The following EPHA6 variants were observed in gnomAD, a reference collection of about 807,000 sequenced individuals.
EPHA6 encodes EPH receptor A6, also known as ephrin type-A receptor 6.
EPHA6 carries 50 observed loss-of-function variants against 112.0 expected under a neutral mutation model. The ratio of observed to expected loss-of-function variants is 0.45; its 90% CI spans 0.36 to 0.56. The LOEUF (loss-of-function observed/expected upper bound fraction) is 0.56. Among genes scored for constraint, EPHA6 ranks in the 20% least tolerant of loss-of-function variants. The probability of loss-of-function intolerance (pLI) is 0.00; values close to 1 mark genes in which losing one functional copy is unlikely to be tolerated. For synonymous variants in EPHA6, 529 were observed against 490.7 expected, an observed-to-expected ratio of 1.08 and a Z score of -1.03; for missense variants, 1,280 against 1,417.4, an observed-to-expected ratio of 0.90 and a Z score of 1.56.
In EPHA6 at chr3:97,761,128, A is replaced by G. The variant is rs1327603739; in HGVS notation, c.*12427A>G. The G allele has an allele frequency of 1.5e-5, 3 of 203,140 alleles. No individual in the cohort carries two copies. Among genetic ancestry groups the G allele is most frequent in the Non-Finnish European group, 3.0e-5 (3 of 98,938 alleles). The allele number at this position is 203,140 out of a possible 1,614,324, so 12.6% of individuals were successfully genotyped here. A position where few individuals can be genotyped will look rare whatever the true frequency, so the allele number is the denominator to read the frequency against. Reference sequence around the variant, plus strand: ...TAACAATTGAACTGCAATCCTACCTATTATCTACTTTACTATAGCAGTGAA... The same window carrying G: ...TAACAATTGAACTGCAATCCTACCTGTTATCTACTTTACTATAGCAGTGAA... On this transcript the variant is annotated 3_prime_UTR_variant, in exon 18 of 18. Transcript: ENST00000389672.
chr3:97,117,222 T>G (rs2047914024), intron 3 of EPHA6, among the ~76,000 whole-genome samples: 1 of 151,668 alleles, frequency 6.6e-6, no homozygotes, highest in Non-Finnish European at 1.5e-5. Context: ...ATTTTGGATA[T>G]CAACCTCTTA....
At chr3:97,035,609 AT>A (rs2045061067) in intron 3 of EPHA6, among the ~76,000 whole-genome samples, 1 of 151,808 alleles carries the variant, frequency 6.6e-6, no homozygotes, top group Admixed American at 6.6e-5. Flanking sequence ...ACACTATAGG[AT>A]TTTTGTAGCG....
intron 11 of EPHA6, among the ~76,000 whole-genome samples, chr3:97,585,701 G>C (rs558708623): frequency 1.3e-5 from 2 of 151,164 alleles, no homozygotes; most frequent in South Asian, 2.1e-4. Context: ...TGCAGGTAAA[G>C]AGGAAAATAC....
Position 97,226,485 on chromosome 3 carries a change from T to C in EPHA6, c.1270+66T>C, listed in dbSNP as rs538135505. 2.8e-6 allele frequency: 4 copies of C among 1,416,216 alleles called. No homozygotes were observed. The South Asian group carries it at 5.7e-5, about 20-fold the overall frequency. The allele number at this position is 1,416,216 out of a possible 1,614,324, so 87.7% of individuals were successfully genotyped here. ...CCCTTTTGGTCTTTTCATTCTAAAT[T>C]TAAAAAATAAGTAAATGTACAAAAT... is the stretch of plus-strand genomic sequence containing the variant. On this transcript the variant is annotated intron_variant, in intron 4 of 17. Coordinates refer to ENST00000389672, the MANE Select transcript of EPHA6 (RefSeq NM_001080448.3).
chr3:97,651,884 C>A (rs372709577), intron 14 of EPHA6, among the ~76,000 whole-genome samples: 1 of 151,782 alleles, frequency 6.6e-6, no homozygotes, highest in South Asian at 2.1e-4. Flanking sequence ...GGTTTATGTG[C>A]AGGTTTGTTG....
At chr3:97,461,900 C>A (rs751736261) in intron 7 of EPHA6, among the ~76,000 whole-genome samples, 11 of 152,114 alleles carry the variant, frequency 7.2e-5, no homozygotes, top group Non-Finnish European at 5.9e-5. Context: ...AGTCAGGGGG[C>A]CTCCATTAGG....
chr3:97,096,797 CAATAT>C (rs1157854369), intron 3 of EPHA6, among the ~76,000 whole-genome samples: 1 of 151,738 alleles, frequency 6.6e-6, no homozygotes, highest in Non-Finnish European at 1.5e-5. Flanking sequence ...GTGCTTAATA[CAATAT>C]AAGGGCTATA....
chr3:97,366,780 G>A lies in EPHA6; in HGVS notation c.1607-38370G>A, dbSNP rs1357715998. ...TGTAGAATATACAAAACCTTGGATT[G>A]TAAGTCCAGAAACTTTGGTAAGTGC... On this transcript the variant is annotated intron_variant, in intron 5 of 17. Transcript: ENST00000389672. Among the ~76,000 whole-genome samples the A allele has an allele frequency of 3.3e-5, 5 of 152,178 alleles. No individual in the cohort carries two copies. The South Asian group carries it at 1.0e-3, about 31-fold the overall frequency.
At chr3:96,981,887 G>A (rs1459870987) in intron 2 of EPHA6, among the ~76,000 whole-genome samples, 1 of 152,106 alleles carries the variant, frequency 6.6e-6, no homozygotes, top group African/African-American at 2.4e-5. Context: ...ATTTCTGTGG[G>A]ATCAGTGGTG....
At chr3:97,538,634 GA>G (rs1242027834) in intron 11 of EPHA6, among the ~76,000 whole-genome samples, 3 of 152,162 alleles carry the variant, frequency 2.0e-5, no homozygotes, top group Non-Finnish European at 4.4e-5. Flanking sequence ...AGAAGTGTAT[GA>G]AAAAGACAGA....
intron 5 of EPHA6, among the ~76,000 whole-genome samples, chr3:97,362,594 T>A (rs1387587038): frequency 1.3e-5 from 2 of 152,228 alleles, no homozygotes; most frequent in East Asian, 3.9e-4. Flanking sequence ...GGTTGTTTAA[T>A]TTAATGTTGG....
At chr3:96,946,828 A>C (rs182307187) in intron 2 of EPHA6, among the ~76,000 whole-genome samples, 35,137 of 151,946 alleles carry the variant, frequency 0.23, 6,741 homozygotes, top group African/African-American at 0.5. Context: ...ACATCCTCTC[A>C]AGCACCTGTT....
At chr3:97,573,569 TTTTA>T (rs2093354756) in intron 11 of EPHA6, among the ~76,000 whole-genome samples, 1 of 151,878 alleles carries the variant, frequency 6.6e-6, no homozygotes, top group Non-Finnish European at 1.5e-5. Flanking sequence ...ATGATGAGAT[TTTTA>T]TTTATTTTTT....
intron 3 of EPHA6, among the ~76,000 whole-genome samples, chr3:97,171,862 A>T (rs1344520600): frequency 6.6e-6 from 1 of 152,052 alleles, no homozygotes; most frequent in Non-Finnish European, 1.5e-5. Flanking sequence ...ATAACAAAAA[A>T]CCTTGGTAAA....
At chr3:97,433,902 C>A (rs1487531369) in intron 6 of EPHA6, among the ~76,000 whole-genome samples, 1 of 152,064 alleles carries the variant, frequency 6.6e-6, no homozygotes, top group African/African-American at 2.4e-5. Context: ...ATGGTTACTA[C>A]CCCCATGGCT....
At chr3:97,347,164 A>T (rs75125556) in intron 5 of EPHA6, among the ~76,000 whole-genome samples, 3,075 of 152,170 alleles carry the variant, frequency 0.02, 99 homozygotes, top group African/African-American at 0.069. Flanking sequence ...ATCCTGTAGG[A>T]TTTATCATCC....
At chr3:97,093,978 G>A (rs1163977048) in intron 3 of EPHA6, among the ~76,000 whole-genome samples, 3 of 151,988 alleles carry the variant, frequency 2.0e-5, no homozygotes, top group African/African-American at 4.8e-5. Context: ...CAGATACAGC[G>A]TGCATAGAGC....
At chr3:97,349,515 C>G (rs142408485) in intron 5 of EPHA6, among the ~76,000 whole-genome samples, 1 of 152,084 alleles carries the variant, frequency 6.6e-6, no homozygotes, top group East Asian at 1.9e-4. Flanking sequence ...TATATAATAT[C>G]TTCCACAAGG....
intron 5 of EPHA6, among the ~76,000 whole-genome samples, chr3:97,357,547 T>G (rs1264564066): frequency 6.6e-6 from 1 of 152,184 alleles, no homozygotes; most frequent in African/African-American, 2.4e-5. Flanking sequence ...TCTGCCAATC[T>G]TTTTATTGGA....
Sources: allele counts gnomAD v4.1 joint callset (sites outside exome capture counted in the v4.1 genomes callset), GRCh38; gene constraint gnomAD v4.1.1; transcripts MANE v1.5; gene names NCBI Gene and HGNC (gene_info 2026-07-23, HGNC 2026-07-21).